The following ZNF385D variants were observed in gnomAD, a reference collection of about 807,000 sequenced individuals.
ZNF385D encodes the protein zinc finger protein 385D, also known as zinc finger protein 659.
Under a neutral mutation model 35.8 loss-of-function variants are expected in ZNF385D, and 15 were observed. The observed-to-expected ratio is 0.42, with a 90% CI of 0.28 to 0.64. The LOEUF (loss-of-function observed/expected upper bound fraction) is 0.64, where lower values mean the gene tolerates loss of function less well. Among genes scored for constraint, ZNF385D ranks in the 30% least tolerant of loss-of-function variants. ZNF385D has a pLI of 0.23. For synonymous variants in ZNF385D, 212 were observed against 186.8 expected (o/e 1.13, Z -1.10); for missense variants, 474 against 494.6 (o/e 0.96, Z 0.39).
chr3:21,455,119 A>T (rs1415372453), intron 4 of ZNF385D, among the ~76,000 whole-genome samples: 2 of 152,236 alleles, frequency 1.3e-5, no homozygotes, highest in Admixed American at 6.5e-5. Flanking sequence ...TTCCACGCTC[A>T]TGGATAGGAA....
chr3:21,873,396 G>T (rs921890763), intron 3 of ZNF385D, among the ~76,000 whole-genome samples: 41 of 152,116 alleles, frequency 2.7e-4, no homozygotes, highest in African/African-American at 8.9e-4. Context: ...CCATGATATA[G>T]TCTCAGCTCT....
chr3:21,960,482 T>C (rs912841446), intron 3 of ZNF385D, among the ~76,000 whole-genome samples: 7 of 152,102 alleles, frequency 4.6e-5, no homozygotes, highest in African/African-American at 7.2e-5. Flanking sequence ...TTGTACACTG[T>C]TGGTGGAAAT....
At chr3:22,204,762 T>C (rs1697032948) in intron 2 of ZNF385D, among the ~76,000 whole-genome samples, 1 of 147,966 alleles carries the variant, frequency 6.8e-6, no homozygotes, top group East Asian at 1.9e-4. Context: ...GAATTGATCA[T>C]ACAAAAGAGA....
chr3:21,543,396 C>T (rs1055370594), intron 3 of ZNF385D, among the ~76,000 whole-genome samples: 1 of 152,094 alleles, frequency 6.6e-6, no homozygotes. Flanking sequence ...CCCCTTGTCG[C>T]TCCTGGGGGT....
intron 4 of ZNF385D, among the ~76,000 whole-genome samples, chr3:21,489,244 A>C (rs141999860): frequency 6.6e-6 from 1 of 152,230 alleles, no homozygotes; most frequent in Non-Finnish European, 1.5e-5. Context: ...GGAAGCCCCA[A>C]AGAAAGACTG....
intron 2 of ZNF385D, among the ~76,000 whole-genome samples, chr3:22,291,679 G>T (rs1702309432): frequency 6.6e-6 from 1 of 151,882 alleles, no homozygotes; most frequent in South Asian, 2.1e-4. Context: ...TTTAAATATT[G>T]TGGGGTTTAT....
intron 3 of ZNF385D, among the ~76,000 whole-genome samples, chr3:21,964,736 C>A (rs911686687): frequency 6.6e-6 from 1 of 151,516 alleles, no homozygotes; most frequent in Non-Finnish European, 1.5e-5. Flanking sequence ...AGGTGATCCA[C>A]CTGCCTCGAC....
chr3:22,322,886 C>T lies in ZNF385D; in HGVS notation c.106+49564G>A, dbSNP rs1694506556. ...TTTTTATCATTTTTAATCAGGTTGT[C>T]ATCTGCTAACAGCCCTGGCTAAGTG... is the stretch of plus-strand genomic sequence containing the variant. On this transcript the variant is annotated intron_variant, in intron 2 of 5. Transcript: ENST00000494108. 2.6e-5 allele frequency among the ~76,000 whole-genome samples: 4 copies of T among 152,290 alleles called. No homozygotes were observed. The South Asian group carries it at 8.3e-4, about 32-fold the overall frequency.
intron 2 of ZNF385D, among the ~76,000 whole-genome samples, chr3:21,610,807 T>C (rs2064653432): frequency 6.6e-6 from 1 of 151,920 alleles, no homozygotes; most frequent in African/African-American, 2.4e-5. Flanking sequence ...TCATGTGTTA[T>C]TTCACGGTTG....
chr3:21,775,403 A>C (rs151264037), intron 3 of ZNF385D, among the ~76,000 whole-genome samples: 13 of 151,960 alleles, frequency 8.6e-5, no homozygotes, highest in African/African-American at 3.1e-4. Context: ...GCTAAAAAAA[A>C]TTAAAAATAA....
intron 4 of ZNF385D, among the ~76,000 whole-genome samples, chr3:21,498,983 C>G (rs956530085): frequency 7.7e-6 from 1 of 130,486 alleles, no homozygotes; most frequent in African/African-American, 2.8e-5. Flanking sequence ...CAAAAAATAA[C>G]AGATGCTGGC....
chr3:22,106,544 T>C (rs1022057345), intron 3 of ZNF385D, among the ~76,000 whole-genome samples: 8 of 152,172 alleles, frequency 5.3e-5, no homozygotes, highest in Non-Finnish European at 1.2e-4. Flanking sequence ...CTTTAGCTCC[T>C]GGGCATCTGA....
chr3:21,884,483 G>C (rs946037441), intron 3 of ZNF385D, among the ~76,000 whole-genome samples: 9 of 152,124 alleles, frequency 5.9e-5, no homozygotes, highest in African/African-American at 2.2e-4. Flanking sequence ...TGGTATGTTA[G>C]AGCCAGCTTG....
At chr3:22,204,912 G>C (rs1398140963) in intron 2 of ZNF385D, among the ~76,000 whole-genome samples, 1 of 149,350 alleles carries the variant, frequency 6.7e-6, no homozygotes, top group Non-Finnish European at 1.5e-5. Context: ...CATAAAGAGA[G>C]GATAGAGAGA....
chr3:22,096,113 T>C (rs1235549983), intron 3 of ZNF385D, among the ~76,000 whole-genome samples: 2 of 147,784 alleles, frequency 1.4e-5, no homozygotes, highest in Admixed American at 1.4e-4. Context: ...GGAATGTTCA[T>C]ATAAGGTAAA....
intron 3 of ZNF385D, among the ~76,000 whole-genome samples, chr3:21,519,140 T>A (rs150578697): frequency 2.3e-3 from 345 of 152,196 alleles, no homozygotes; most frequent in Admixed American, 3.6e-3. Flanking sequence ...GGGGGAAAGA[T>A]AATACCACAG....
rs73143393 is a variant in ZNF385D, at chr3:21,420,908, T to C, written c.*306A>G. ...GCAGGACAGACAATGCAGAGGGAAA[T>C]AGGTGCCCAAAAGCACAGTCACAGA... On this transcript the variant is annotated 3_prime_UTR_variant, in exon 8 of 8. Transcript: ENST00000281523. 0.012 allele frequency: 3,573 copies of C among 289,352 alleles called. 145 individuals are homozygous for C. The highest frequency in any genetic ancestry group is 0.072 in the African/African-American group (3,375 of 47,132). 17.9% of individuals were successfully genotyped at this position (289,352 alleles called of 1,614,324 possible).
chr3:22,004,645 C>T (rs1696083704), intron 3 of ZNF385D, among the ~76,000 whole-genome samples: 1 of 152,160 alleles, frequency 6.6e-6, no homozygotes, highest in Non-Finnish European at 1.5e-5. Flanking sequence ...ACATACCTCC[C>T]TCACAAGGAA....
At position 21,611,716 on chromosome 3, in the gene ZNF385D, G is replaced by A. The variant is rs2064685155; in HGVS notation, c.166-47032C>T. 2.0e-5 allele frequency among the ~76,000 whole-genome samples: 3 copies of A among 152,106 alleles called. No individual in the cohort carries two copies. In the South Asian group the frequency reaches 6.3e-4, roughly 32 times the overall value. On this transcript the variant is annotated intron_variant, in intron 2 of 7. Coordinates refer to ENST00000281523, the MANE Select transcript of ZNF385D (RefSeq NM_024697.3). ...CAAGCCCATGAACCCTCATGGTCAAGGGCCAATGAATCATTCATTGCTTTC... is the reference window on the plus strand; with the variant it reads ...CAAGCCCATGAACCCTCATGGTCAAAGGCCAATGAATCATTCATTGCTTTC...
Sources: allele counts gnomAD v4.1 joint callset (sites outside exome capture counted in the v4.1 genomes callset), GRCh38; gene constraint gnomAD v4.1.1; transcripts MANE v1.5; gene names NCBI Gene and HGNC (gene_info 2026-07-23, HGNC 2026-07-21).